Variants in USP25 observed in about 807,000 individuals in gnomAD.
USP25 encodes the protein ubiquitin carboxyl-terminal hydrolase 25.
A neutral mutation model predicts 158.5 loss-of-function variants in USP25; 85 were observed. The ratio of observed to expected loss-of-function variants is 0.54; its 90% CI spans 0.45 to 0.64. The LOEUF (loss-of-function observed/expected upper bound fraction) is 0.64. Among genes scored for constraint, USP25 ranks in the 30% least tolerant of loss-of-function variants. USP25 has a pLI of 0.00. For synonymous variants in USP25, 464 were observed against 460.4 expected (o/e 1.01, Z -0.10); for missense variants, 1,242 against 1,327.3 (o/e 0.94, Z 1.00).
chr21:15,871,920 G>C (rs1354899550), intron 23 of USP25, among the ~76,000 whole-genome samples: 1 of 151,342 alleles, frequency 6.6e-6, no homozygotes, highest in Non-Finnish European at 1.5e-5. Context: ...GAACCCGGGA[G>C]GCGGAGGTTG....
chr21:15,854,389 C>T (rs1284510267), intron 20 of USP25, among the ~76,000 whole-genome samples: 1 of 152,038 alleles, frequency 6.6e-6, no homozygotes, highest in African/African-American at 2.4e-5. Flanking sequence ...TGTGATCTGC[C>T]CTCTTCGGCC....
intron 19 of USP25, 110 bp from the exon 20 acceptor site, chr21:15,849,667 G>C: frequency 1.2e-6 from 1 of 821,312 alleles, no homozygotes; most frequent in African/African-American, 1.7e-5. Flanking sequence ...GGTATTAAAA[G>C]TGCAACATTT....
At chr21:15,779,922 T>TA (rs2034870350) in intron 4 of USP25, among the ~76,000 whole-genome samples, 2 of 152,032 alleles carry the variant, frequency 1.3e-5, no homozygotes, top group African/African-American at 4.8e-5. Context: ...CAATGCAAAA[T>TA]ATGCATTTAA....
intron 1 of USP25, among the ~76,000 whole-genome samples, chr21:15,748,508 C>T (rs1391122926): frequency 7.0e-6 from 1 of 143,066 alleles, no homozygotes. Context: ...CTCTGTTTCC[C>T]AGGCTGGTCT....
chr21:15,791,689 C>T, intron 5 of USP25, 25 bp downstream of exon 5: 3 of 1,592,776 alleles, frequency 1.9e-6, no homozygotes, highest in Non-Finnish European at 2.6e-6. Context: ...TTATTCAGTT[C>T]TTATTTGATG....
intron 20 of USP25, among the ~76,000 whole-genome samples, chr21:15,860,825 A>G (rs2039391545): frequency 6.6e-6 from 1 of 152,006 alleles, no homozygotes; most frequent in African/African-American, 2.4e-5. Context: ...ACAATTAATT[A>G]TAAATGATGT....
At chr21:15,733,581 C>G (rs2031180037) in intron 1 of USP25, among the ~76,000 whole-genome samples, 1 of 152,124 alleles carries the variant, frequency 6.6e-6, no homozygotes, top group Admixed American at 6.6e-5. Flanking sequence ...TGTCTCAAGC[C>G]TGTAATCCCA....
intron 3 of USP25, among the ~76,000 whole-genome samples, chr21:15,770,848 A>G (rs1054043251): frequency 4.6e-5 from 7 of 152,212 alleles, no homozygotes; most frequent in African/African-American, 1.4e-4. Flanking sequence ...TTGAAAGAAT[A>G]GGAACATCTG....
chr21:15,847,884 T>C, intron 19 of USP25, 108 bp downstream of exon 19: 1 of 583,050 alleles, frequency 1.7e-6, no homozygotes, highest in South Asian at 3.7e-5. Context: ...CCACATAACA[T>C]ACAGCTTTGC....
chr21:15,824,502 C>T (rs576825853), intron 11 of USP25, among the ~76,000 whole-genome samples: 1 of 151,462 alleles, frequency 6.6e-6, no homozygotes, highest in Non-Finnish European at 1.5e-5. Flanking sequence ...TTGTATCTAT[C>T]TATCTTTCTG....
chr21:15,777,977 C>T lies in USP25; in HGVS notation c.342C>T (p.Asn114=), dbSNP rs769753849. The change falls in exon 4 of 26, where the codon AAC becomes AAT. Residue 114 remains asparagine (N), a synonymous_variant. Coordinates refer to ENST00000400183, the MANE Select transcript of USP25 (RefSeq NM_001283041.3). ...RAIALSLAES[N]RAFRETGITD... Reference sequence around the variant, plus strand: ...TTGCCTTGAGTTTGGCCGAATCAAACAGGGCATTCAGGGAGACTGGAATAA... The same window carrying T: ...TTGCCTTGAGTTTGGCCGAATCAAATAGGGCATTCAGGGAGACTGGAATAA... The T allele has an allele frequency of 2.5e-6, 4 of 1,611,334 alleles. No individual in the cohort carries two copies. The highest frequency in any genetic ancestry group is 3.4e-6 in the Non-Finnish European group (4 of 1,178,940).
intron 1 of USP25, among the ~76,000 whole-genome samples, chr21:15,739,901 C>T (rs187847098): frequency 5.9e-5 from 9 of 152,296 alleles, no homozygotes. Flanking sequence ...AGGACATCAT[C>T]CTTGTCATGA....
intron 17 of USP25, among the ~76,000 whole-genome samples, chr21:15,835,662 G>C (rs1483082426): frequency 6.6e-6 from 1 of 152,176 alleles, no homozygotes; most frequent in Non-Finnish European, 1.5e-5. Flanking sequence ...GATGGAAATG[G>C]TCAATTCCTA....
At chr21:15,830,714 G>T in intron 15 of USP25, 113 bp downstream of exon 15, 1 of 890,230 alleles carries the variant, frequency 1.1e-6, no homozygotes. Flanking sequence ...TTAAAATTTT[G>T]GCAAATCTTA....
chr21:15,840,418 A>G (rs2038276609), intron 17 of USP25, among the ~76,000 whole-genome samples: 1 of 152,136 alleles, frequency 6.6e-6, no homozygotes, highest in Non-Finnish European at 1.5e-5. Flanking sequence ...TTTAATACCT[A>G]ATATAGTACT....
intron 21 of USP25, among the ~76,000 whole-genome samples, chr21:15,864,961 A>G (rs1601172700): frequency 6.6e-6 from 1 of 152,286 alleles, no homozygotes; most frequent in South Asian, 2.1e-4. Context: ...AGATAAAATA[A>G]TTAAACATTC....
chr21:15,874,327 T>C, intron 23 of USP25, 76 bp from the exon 24 acceptor site: 2 of 1,304,572 alleles, frequency 1.5e-6, no homozygotes, highest in East Asian at 4.9e-5. Context: ...ATACTTAAAA[T>C]GTTTCATAAT....
chr21:15,814,773 A>G (rs2036849192), intron 9 of USP25, among the ~76,000 whole-genome samples: 1 of 152,194 alleles, frequency 6.6e-6, no homozygotes, highest in Admixed American at 6.5e-5. Flanking sequence ...TTTGAAAGGG[A>G]AACAGAGCAT....
At chr21:15,769,933 C>T (rs77644136) in intron 3 of USP25, among the ~76,000 whole-genome samples, 11,443 of 151,634 alleles carry the variant, frequency 0.075, 497 homozygotes, top group Non-Finnish European at 0.09. Context: ...AAATGAGTGA[C>T]AGGTGGTAAG....
Sources: allele counts gnomAD v4.1 joint callset (sites outside exome capture counted in the v4.1 genomes callset), GRCh38; gene constraint gnomAD v4.1.1; transcripts MANE v1.5; gene names NCBI Gene and HGNC (gene_info 2026-07-23, HGNC 2026-07-21).